SEMA3D: variants seen among roughly 807,000 people sequenced by gnomAD.
SEMA3D encodes semaphorin-3D.
Under a neutral mutation model 100.1 loss-of-function variants are expected in SEMA3D, and 84 were observed. The observed-to-expected ratio is 0.84, with a 90% CI of 0.70 to 1.01. SEMA3D has a LOEUF of 1.01. Among genes scored for constraint, SEMA3D ranks in the 50% least tolerant of loss-of-function variants. The pLI, the probability that SEMA3D is intolerant of heterozygous loss-of-function variation, is 0.00. For missense variants in SEMA3D, 875 were observed against 934.1 expected, an observed-to-expected ratio of 0.94 and a Z score of 0.82; for synonymous variants, 312 against 320.7, an observed-to-expected ratio of 0.97 and a Z score of 0.29.
chr7:85,116,421 G>A (rs559623619), intron 3 of SEMA3D, among the ~76,000 whole-genome samples: 61 of 141,710 alleles, frequency 4.3e-4, no homozygotes, highest in Admixed American at 2.1e-3. Context: ...ATTTATATAG[G>A]TATATATTTA....
chr7:85,238,965 C>A, the SEMA3D span, among the ~76,000 whole-genome samples: 1 of 151,908 alleles, frequency 6.6e-6, no homozygotes, highest in Non-Finnish European at 1.5e-5. Context: ...AATAGTACTG[C>A]ATTTTAAAAA....
rs772513860 is a variant in SEMA3D, at chr7:85,178,696, T to G, written c.-173+7982A>C. Among the ~76,000 whole-genome samples the G allele has an allele frequency of 1.7e-4, 26 of 152,156 alleles. 2 individuals carry two copies. The highest frequency in any genetic ancestry group is 6.5e-5 in the Admixed American group (1 of 15,282). ...AAAAACCCATTTTCTGAGGAAAAAT[T>G]TAAGCCTGTGGCAGAAATTTGCATA... On this transcript the variant is annotated intron_variant, in intron 1 of 18. Coordinates refer to ENST00000284136, the MANE Select transcript of SEMA3D (RefSeq NM_001384900.1).
Position 85,055,994 on chromosome 7 carries a change from A to G in SEMA3D, c.719-135T>C, listed in dbSNP as rs564161651. 118 of 488,282 alleles carry G rather than the reference A, an allele frequency of 2.4e-4. 1 individual carries two copies. Among genetic ancestry groups the G allele is most frequent in the African/African-American group, 2.1e-3 (102 of 49,396 alleles). 30.2% of individuals were successfully genotyped at this position (488,282 alleles called of 1,614,324 possible). ...AACTATAAGCCAGATGTGGGAAATG[A>G]GATGTGTATACAAATGAAGATGACA... On this transcript the variant is annotated intron_variant, in intron 8 of 18. Coordinates refer to ENST00000284136, the MANE Select transcript of SEMA3D (RefSeq NM_001384900.1).
At chr7:85,063,038 T>A (rs945030806) in intron 8 of SEMA3D, among the ~76,000 whole-genome samples, 2 of 152,198 alleles carry the variant, frequency 1.3e-5, no homozygotes, top group African/African-American at 4.8e-5. Context: ...CTAATAATGA[T>A]CATGATGATA....
At chr7:85,245,082 T>A in the SEMA3D span, among the ~76,000 whole-genome samples, 1 of 152,172 alleles carries the variant, frequency 6.6e-6, no homozygotes, top group Admixed American at 6.5e-5. Flanking sequence ...TAGCAGCAAT[T>A]TATAATTTAT....
intron 11 of SEMA3D, among the ~76,000 whole-genome samples, chr7:85,038,825 T>A (rs1212061309): frequency 1.3e-5 from 2 of 152,208 alleles, no homozygotes; most frequent in East Asian, 3.9e-4. Flanking sequence ...TTTATTCTCA[T>A]ATTTGAACAT....
the SEMA3D span, among the ~76,000 whole-genome samples, chr7:85,250,024 G>A: frequency 6.6e-6 from 1 of 152,118 alleles, no homozygotes; most frequent in African/African-American, 2.4e-5. Flanking sequence ...CCGTGCACGA[G>A]CCAAAGCAGG....
At chr7:85,074,642 T>A (rs1022405180) in intron 5 of SEMA3D, among the ~76,000 whole-genome samples, 1 of 151,458 alleles carries the variant, frequency 6.6e-6, no homozygotes, top group African/African-American at 2.4e-5. Context: ...TATATATTTT[T>A]TTTTTTTCTT....
chr7:85,020,956 G>A (rs765514254), intron 13 of SEMA3D, among the ~76,000 whole-genome samples: 1 of 151,190 alleles, frequency 6.6e-6, no homozygotes, highest in South Asian at 2.1e-4. Context: ...TTTAAAAGAG[G>A]TATCTTAAAT....
chr7:85,106,834 T>C (rs1044309968), intron 3 of SEMA3D, among the ~76,000 whole-genome samples: 2 of 152,002 alleles, frequency 1.3e-5, no homozygotes, highest in Non-Finnish European at 2.9e-5. Flanking sequence ...CAGATGCTTA[T>C]AAAACCATCA....
At chr7:85,073,482 T>C (rs1791834494) in intron 5 of SEMA3D, among the ~76,000 whole-genome samples, 1 of 152,008 alleles carries the variant, frequency 6.6e-6, no homozygotes, top group African/African-American at 2.4e-5. Flanking sequence ...ACTCCTGGAC[T>C]CAAGAGATCC....
chr7:85,211,292 T>A, the SEMA3D span, among the ~76,000 whole-genome samples: 1 of 152,230 alleles, frequency 6.6e-6, no homozygotes, highest in South Asian at 2.1e-4. Context: ...TTTCCTCTAC[T>A]ACTTGCTAGT....
chr7:85,121,695 AT>A (rs758479979), intron 3 of SEMA3D, 45 bp downstream of exon 3: 3 of 1,092,478 alleles, frequency 2.7e-6, no homozygotes, highest in Middle Eastern at 2.1e-4. Context: ...CAAAAAAGAC[AT>A]TTCAAAATCT....
intron 2 of SEMA3D, among the ~76,000 whole-genome samples, chr7:85,123,159 C>T (rs974146635): frequency 6.6e-6 from 1 of 152,060 alleles, no homozygotes; most frequent in Non-Finnish European, 1.5e-5. Context: ...ATCATCAGGA[C>T]TTTAGCTAGA....
At chr7:85,141,387 A>G in intron 2 of SEMA3D, 1 of 984,588 alleles carries the variant, frequency 1.0e-6, no homozygotes, top group Non-Finnish European at 1.2e-6. Flanking sequence ...TTTTATTGGA[A>G]TCCAGAGAAA....
chr7:85,219,632 A>G, the SEMA3D span, among the ~76,000 whole-genome samples: 24,136 of 152,076 alleles, frequency 0.16, 2,390 homozygotes, highest in Non-Finnish European at 0.23. Flanking sequence ...ATGGAACCAC[A>G]TACAGGCACA....
chr7:85,097,027 T>G (rs575262679), intron 4 of SEMA3D, among the ~76,000 whole-genome samples: 1 of 151,972 alleles, frequency 6.6e-6, no homozygotes, highest in South Asian at 2.1e-4. Context: ...AGAAGAGATC[T>G]GATATTATGT....
intron 1 of SEMA3D, chr7:85,167,143 G>T: frequency 2.4e-6 from 1 of 417,396 alleles, no homozygotes; most frequent in Non-Finnish European, 3.2e-6. Flanking sequence ...ATCATAAAAA[G>T]CCAAAACAAT....
chr7:85,224,078 G>T, the SEMA3D span, among the ~76,000 whole-genome samples: 1 of 152,018 alleles, frequency 6.6e-6, no homozygotes, highest in Admixed American at 6.6e-5. Flanking sequence ...TTATTTAAGG[G>T]TCAACAGTTT....
Sources: gnomAD v4.1 joint callset for allele counts (sites outside exome capture counted in the v4.1 genomes callset) on GRCh38, gnomAD v4.1.1 for gene constraint, MANE v1.5 for transcripts, NCBI Gene and HGNC (gene_info 2026-07-23, HGNC 2026-07-21) for gene names.